Variants in MGA observed in about 807,000 individuals in gnomAD.
MGA encodes the protein MAX dimerization protein MGA, also known as MAX gene-associated protein.
A neutral mutation model predicts 261.1 loss-of-function variants in MGA; 40 were observed. The ratio of observed to expected loss-of-function variants is 0.15; its 90% CI spans 0.12 to 0.20. The LOEUF (loss-of-function observed/expected upper bound fraction) is 0.20. Ranked by LOEUF, MGA falls within the 10% of genes least tolerant of loss-of-function variation. MGA has a pLI of 1.00. For synonymous variants in MGA, 1,302 were observed against 1,290.6 expected (o/e 1.01, Z -0.19); for missense variants, 3,397 against 3,630.5 (o/e 0.94, Z 1.65).
intron 15 of MGA, among the ~76,000 whole-genome samples, chr15:41,744,866 G>T (rs761207743): frequency 1.3e-5 from 2 of 151,846 alleles, no homozygotes; most frequent in Non-Finnish European, 2.9e-5. Context: ...ATATGTAAAT[G>T]TGTGTGTGTT....
chr15:41,763,589 CA>C (rs1473561514), intron 22 of MGA, among the ~76,000 whole-genome samples: 1 of 151,486 alleles, frequency 6.6e-6, no homozygotes, highest in Admixed American at 6.6e-5. Context: ...ACTAAAAATA[CA>C]AAATTAGCCA....
chr15:41,637,376 G>T (rs2056732554), intron 1 of MGA, among the ~76,000 whole-genome samples: 2 of 152,202 alleles, frequency 1.3e-5, no homozygotes, highest in African/African-American at 4.8e-5. Flanking sequence ...TTTGCAAGTT[G>T]TTTTGGTACT....
At chr15:41,729,012 A>G (rs190088208) in intron 10 of MGA, among the ~76,000 whole-genome samples, 152 bp from the exon 11 acceptor site, 22 of 152,334 alleles carry the variant, frequency 1.4e-4, no homozygotes, top group African/African-American at 5.3e-4. Context: ...GGTTCGGCAC[A>G]TATGAACTGT....
At position 41,696,768 on chromosome 15, in the gene MGA, G is replaced by C; in HGVS notation, c.1758G>C (p.Lys586Asn). The change falls in exon 3 of 24, where the codon AAG (lysine) becomes AAC (asparagine). Residue 586 changes from lysine to asparagine, a missense_variant. By Grantham distance (94) the Lys-to-Asn change is moderately conservative. Around this residue, in one of 9 missense-constraint regions of MGA, gnomAD observed 563 missense variants for 563.6 expected, o/e 1.00. Transcript: ENST00000219905. ...CAGGAAAAGAGGACTTGGGCAGAAA[G>C]AGAACAACTATGCTTAAGATTGCAA... 1 of 1,609,368 alleles carries C rather than the reference G, an allele frequency of 6.2e-7. No homozygotes were observed.
At chr15:41,676,868 A>G (rs1190316211) in intron 2 of MGA, among the ~76,000 whole-genome samples, 2 of 152,290 alleles carry the variant, frequency 1.3e-5, no homozygotes, top group Non-Finnish European at 2.9e-5. Flanking sequence ...TGATTTTTGT[A>G]TCATCTTTAT....
intron 10 of MGA, 78 bp from the exon 11 acceptor site, chr15:41,729,086 A>G: frequency 3.6e-6 from 5 of 1,404,268 alleles, no homozygotes; most frequent in Non-Finnish European, 4.9e-6. Flanking sequence ...ACAAAAAAAG[A>G]TTAAACATTC....
chr15:41,693,230 C>T (rs1393315014), intron 2 of MGA, among the ~76,000 whole-genome samples: 1 of 151,930 alleles, frequency 6.6e-6, no homozygotes, highest in Non-Finnish European at 1.5e-5. Flanking sequence ...CATATGTATA[C>T]ATGTGCCATG....
At chr15:41,730,376 T>C (rs770705886) in intron 11 of MGA, among the ~76,000 whole-genome samples, 34 of 151,736 alleles carry the variant, frequency 2.2e-4, no homozygotes, top group Non-Finnish European at 4.0e-4. Flanking sequence ...GAGGCCAAGG[T>C]TGCACTGAGC....
At chr15:41,719,980 C>T (rs2577955) in intron 9 of MGA, among the ~76,000 whole-genome samples, 107,549 of 151,972 alleles carry the variant, frequency 0.71, 40,229 homozygotes, top group East Asian at 0.89. Context: ...AGCAAGTGAA[C>T]CTCGGAAAAA....
chr15:41,662,851 C>G (rs1169972463), intron 1 of MGA, among the ~76,000 whole-genome samples: 1 of 152,156 alleles, frequency 6.6e-6, no homozygotes, highest in Non-Finnish European at 1.5e-5. Context: ...GCCTGCCATA[C>G]TACTGTATTT....
chr15:41,760,773 G>A (rs1420300218), intron 20 of MGA, among the ~76,000 whole-genome samples: 1 of 150,410 alleles, frequency 6.6e-6, no homozygotes, highest in African/African-American at 2.4e-5. Flanking sequence ...TTTTGCTCTT[G>A]TTGCCCAGGC....
intron 1 of MGA, among the ~76,000 whole-genome samples, chr15:41,644,930 A>C (rs1401903111): frequency 1.3e-5 from 2 of 152,226 alleles, no homozygotes; most frequent in Admixed American, 6.5e-5. Flanking sequence ...AAGAGGCAAA[A>C]TAGGGTATTA....
intron 2 of MGA, chr15:41,684,380 T>A (rs1171108044): frequency 2.2e-6 from 1 of 453,642 alleles, no homozygotes; most frequent in African/African-American, 2.0e-5. Flanking sequence ...TTGTAATTCA[T>A]TGATTTTGCC....
At position 41,766,944 on chromosome 15, in the gene MGA, C is replaced by T. The variant is rs1193882886; in HGVS notation, c.8862C>T (p.Leu2954=). 1 of 1,614,016 alleles carries T rather than the reference C, an allele frequency of 6.2e-7. No individual in the cohort carries two copies. Among genetic ancestry groups the T allele is most frequent in the Non-Finnish European group, 8.5e-7 (1 of 1,179,890 alleles). Reference sequence around the variant, plus strand: ...ATGGAGGGAAGAATACTTCTGGCCTCCCTGCAGAGCCCGAAAGTGTGTCCT... The same window carrying T: ...ATGGAGGGAAGAATACTTCTGGCCTTCCTGCAGAGCCCGAAAGTGTGTCCT... Residue 2954 remains leucine, a synonymous_variant, in exon 24 of 24, where the codon CTC becomes CTT. Transcript: ENST00000219905.
rs945603769 is a variant in MGA, at chr15:41,766,339, G to A, written c.8257G>A (p.Gly2753Arg). 1.9e-6 allele frequency: 3 copies of A among 1,613,864 alleles called. No homozygotes were observed. The highest frequency in any genetic ancestry group is 1.7e-6 in the Non-Finnish European group (2 of 1,179,824). ...TAAAAAGATTTCTGGTGATATGAGA[G>A]GGATTCAGTATAAATGGAAAGAGAG... Residue 2753 changes from glycine (G) to arginine (R), a missense_variant, in exon 24 of 24, where the codon GGG becomes AGG. Gly to Arg is a moderately radical substitution (Grantham distance 125). Transcript: ENST00000219905.
chr15:41,761,014 G>A (rs923086327), intron 20 of MGA, among the ~76,000 whole-genome samples: 1 of 152,118 alleles, frequency 6.6e-6, no homozygotes, highest in African/African-American at 2.4e-5. Context: ...CCAGTGATCC[G>A]CCCACCTCAG....
intron 14 of MGA, among the ~76,000 whole-genome samples, chr15:41,741,479 T>C (rs2062101222): frequency 6.6e-6 from 1 of 152,080 alleles, no homozygotes; most frequent in Non-Finnish European, 1.5e-5. Flanking sequence ...TTTAGGAATA[T>C]GTAATACGTA....
chr15:41,643,107 G>C (rs903643463), intron 1 of MGA, among the ~76,000 whole-genome samples: 2 of 148,088 alleles, frequency 1.4e-5, no homozygotes, highest in African/African-American at 5.0e-5. Flanking sequence ...GGGTCTTGCT[G>C]TGTTGCTGGG....
chr15:41,699,965 C>T (rs1052859116), intron 5 of MGA, among the ~76,000 whole-genome samples: 7 of 147,732 alleles, frequency 4.7e-5, no homozygotes, highest in African/African-American at 1.3e-4. Context: ...TTCTGGGATA[C>T]GTGTACAGAA....
Sources: allele counts gnomAD v4.1 joint callset (sites outside exome capture counted in the v4.1 genomes callset), GRCh38; gene constraint gnomAD v4.1.1; regional missense constraint gnomAD v4.1.1; transcripts MANE v1.5; gene names NCBI Gene and HGNC (gene_info 2026-07-23, HGNC 2026-07-21).